The following LCORL variants were observed in gnomAD, a reference collection of about 807,000 sequenced individuals.
LCORL encodes the protein ligand dependent nuclear receptor corepressor like.
In LCORL, 41 loss-of-function variants were observed where a neutral mutation model predicts 141.8. The observed-to-expected ratio is 0.29, with a 90% CI of 0.23 to 0.38. The LOEUF is 0.38. LCORL is among the 10% of genes least tolerant of loss of function. The pLI, the probability that LCORL is intolerant of heterozygous loss-of-function variation, is 1.00. For missense variants in LCORL, 1,759 were observed against 2,035.0 expected (o/e 0.86, Z 2.61); for synonymous variants, 618 against 694.1 (o/e 0.89, Z 1.72).
intron 1 of LCORL, among the ~76,000 whole-genome samples, chr4:18,014,483 TA>T (rs892369185): frequency 2.7e-4 from 39 of 144,012 alleles, no homozygotes; most frequent in East Asian, 1.2e-3. Flanking sequence ...GCTTACTGCA[TA>T]AAAAAAAAAA....
At chr4:17,936,960 G>T (rs1460305347) in intron 4 of LCORL, among the ~76,000 whole-genome samples, 1 of 151,954 alleles carries the variant, frequency 6.6e-6, no homozygotes, top group Non-Finnish European at 1.5e-5. Flanking sequence ...AATAGTCATG[G>T]GTCATTTTTT....
intron 1 of LCORL, among the ~76,000 whole-genome samples, chr4:17,996,933 C>T (rs1204893334): frequency 3.3e-5 from 5 of 152,072 alleles, no homozygotes; most frequent in Admixed American, 2.6e-4. Context: ...AGTTAGCATA[C>T]GTAGCCTTCC....
At chr4:18,018,721 T>C (rs571152549) in intron 1 of LCORL, among the ~76,000 whole-genome samples, 1 of 152,272 alleles carries the variant, frequency 6.6e-6, no homozygotes, top group Admixed American at 6.5e-5. Context: ...CAATACTAAT[T>C]TGCTGTACAA....
At chr4:18,013,324 A>G (rs879690485) in intron 1 of LCORL, among the ~76,000 whole-genome samples, 5 of 152,196 alleles carry the variant, frequency 3.3e-5, no homozygotes, top group Admixed American at 2.0e-4. Flanking sequence ...TCTCTGATAT[A>G]CTCAAGTTAT....
exon 7 of LCORL, chr4:17,876,942 T>A: frequency 2.4e-6 from 3 of 1,230,732 alleles, no homozygotes; most frequent in Non-Finnish European, 3.0e-6. Context: ...ATTTTTACCT[T>A]GAAGTCTTTT....
At chr4:17,847,085 G>A (rs564962959) in intron 7 of LCORL, among the ~76,000 whole-genome samples, 2 of 152,282 alleles carry the variant, frequency 1.3e-5, no homozygotes, top group East Asian at 3.9e-4. Flanking sequence ...AGTCAAAAGG[G>A]GAGCTAGTCC....
At chr4:17,922,889 C>T (rs1334337122) in intron 4 of LCORL, among the ~76,000 whole-genome samples, 3 of 152,174 alleles carry the variant, frequency 2.0e-5, no homozygotes, top group Non-Finnish European at 4.4e-5. Flanking sequence ...CACATCCCTT[C>T]CCCAACCTGG....
intron 1 of LCORL, among the ~76,000 whole-genome samples, chr4:17,976,432 T>G (rs1716988290): frequency 6.6e-6 from 1 of 152,184 alleles, no homozygotes; most frequent in African/African-American, 2.4e-5. Context: ...CTTCTAGTTT[T>G]TTTAGGGCTT....
chr4:17,878,839 C>T (rs1451120085), intron 6 of LCORL, among the ~76,000 whole-genome samples: 1 of 151,218 alleles, frequency 6.6e-6, no homozygotes, highest in Non-Finnish European at 1.5e-5. Flanking sequence ...AAAGGCATTA[C>T]TTACCTAATT....
intron 1 of LCORL, among the ~76,000 whole-genome samples, chr4:17,974,567 G>A (rs982585031): frequency 2.0e-5 from 3 of 151,982 alleles, no homozygotes; most frequent in Non-Finnish European, 4.4e-5. Context: ...TAATCACCTG[G>A]AACATTCCAA....
chr4:17,887,113 A>G (rs1419733205), intron 5 of LCORL, among the ~76,000 whole-genome samples: 1 of 152,242 alleles, frequency 6.6e-6, no homozygotes, highest in Middle Eastern at 3.4e-3. Flanking sequence ...GGGCAGATAC[A>G]AAGATGAAAA....
exon 7 of LCORL, chr4:17,876,544 T>C (rs1377161673): frequency 2.6e-5 from 32 of 1,230,886 alleles, no homozygotes; most frequent in Non-Finnish European, 3.2e-5. Flanking sequence ...GAGCTTTCAA[T>C]GTGAATATTT....
chr4:18,007,389 A>T (rs1256929674), intron 1 of LCORL, among the ~76,000 whole-genome samples: 4 of 152,180 alleles, frequency 2.6e-5, no homozygotes, highest in Admixed American at 2.6e-4. Flanking sequence ...AATTAAACAA[A>T]CTATCTTTTC....
chr4:18,001,100 G>A (rs1223206893), intron 1 of LCORL, among the ~76,000 whole-genome samples: 2 of 152,172 alleles, frequency 1.3e-5, no homozygotes. Flanking sequence ...GAACCTAGGT[G>A]TTCGAAGCTG....
chr4:17,925,667 C>T (rs1376811199), intron 4 of LCORL, among the ~76,000 whole-genome samples: 1 of 151,858 alleles, frequency 6.6e-6, no homozygotes, highest in Non-Finnish European at 1.5e-5. Context: ...GTCAGAAGAT[C>T]GAGACCATCC....
At chr4:17,965,284 G>A (rs556301429) in intron 2 of LCORL, among the ~76,000 whole-genome samples, 1 of 151,794 alleles carries the variant, frequency 6.6e-6, no homozygotes, top group Non-Finnish European at 1.5e-5. Context: ...ATGTTTGGTG[G>A]GATACATTTT....
chr4:17,874,958 T>C, exon 7 of LCORL: 1 of 1,233,832 alleles, frequency 8.1e-7, no homozygotes, highest in Non-Finnish European at 1.0e-6. Flanking sequence ...TAGAAGATGC[T>C]AATGAATGTA....
At chr4:17,993,878 T>G (rs893559260) in intron 1 of LCORL, among the ~76,000 whole-genome samples, 1 of 152,204 alleles carries the variant, frequency 6.6e-6, no homozygotes, top group African/African-American at 2.4e-5. Flanking sequence ...AAGACAGCTT[T>G]GAACAATACA....
intron 4 of LCORL, among the ~76,000 whole-genome samples, chr4:17,913,266 G>A (rs977521833): frequency 1.3e-5 from 2 of 152,180 alleles, no homozygotes; most frequent in Non-Finnish European, 2.9e-5. Flanking sequence ...TCCACTCAAT[G>A]GGTGCCAAGA....
Sources: allele counts gnomAD v4.1 joint callset (sites outside exome capture counted in the v4.1 genomes callset), GRCh38; gene constraint gnomAD v4.1.1; transcripts MANE v1.5; gene names NCBI Gene and HGNC (gene_info 2026-07-23, HGNC 2026-07-21).